The following PRH1 variants were observed in gnomAD, a reference collection of about 807,000 sequenced individuals.
PRH1 encodes salivary acidic proline-rich phosphoprotein 1/2.
In PRH1, 7 loss-of-function variants were observed where a neutral mutation model predicts 7.9. That is an observed-to-expected ratio of 0.89 (90% CI 0.50 to 1.67). The LOEUF is 1.67. Ranked by LOEUF, PRH1 falls within the 40% of genes most tolerant of loss-of-function variation. PRH1 has a pLI of 0.00. For synonymous variants in PRH1, 45 were observed against 80.8 expected, an observed-to-expected ratio of 0.56 and a Z score of 2.38; for missense variants, 109 against 223.6, an observed-to-expected ratio of 0.49 and a Z score of 3.27.
At chr12:10,920,214 T>C (rs1046379180) in intron 2 of PRH1, among the ~76,000 whole-genome samples, 1 of 151,132 alleles carries the variant, frequency 6.6e-6, no homozygotes, top group African/African-American at 2.5e-5. Context: ...TCTTGCTATC[T>C]ACTGGATACC....
At chr12:11,127,266 G>A (rs1241283510) in intron 1 of PRH1, among the ~76,000 whole-genome samples, 1 of 152,290 alleles carries the variant, frequency 6.6e-6, no homozygotes, top group Non-Finnish European at 1.5e-5. Context: ...TTGCTAGCAT[G>A]CAAATCAAGT....
At position 11,089,097 on chromosome 12, in the gene PRH1, G is replaced by A. The variant is rs759004833; in HGVS notation, n.124-41909C>T. Among the ~76,000 whole-genome samples the A allele has an allele frequency of 2.6e-5, 3 of 115,710 alleles. 1 individual carries two copies. The highest frequency in any genetic ancestry group is 6.1e-5 in the Non-Finnish European group (3 of 48,840). The allele number at this position is 115,710 out of a possible 152,430, so 75.9% of individuals were successfully genotyped here. ...AGCACGCCTCAGTGGCACAAGGAGTGATGGTATTGGACACAAACATGTGCT... is the reference window on the plus strand; with the variant it reads ...AGCACGCCTCAGTGGCACAAGGAGTAATGGTATTGGACACAAACATGTGCT... On this transcript the variant is annotated intron_variant and non_coding_transcript_variant, in intron 1 of 4. Coordinates refer to the PRH1 transcript ENST00000541977.
chr12:11,145,592 AT>A (rs1162116914), intron 1 of PRH1, among the ~76,000 whole-genome samples: 1 of 152,182 alleles, frequency 6.6e-6, no homozygotes, highest in Non-Finnish European at 1.5e-5. Flanking sequence ...ATTAAAAGGT[AT>A]TTTCTAAAAC....
chr12:11,000,977 G>T (rs760581945), intron 1 of PRH1, among the ~76,000 whole-genome samples: 4 of 151,268 alleles, frequency 2.6e-5, no homozygotes, highest in Non-Finnish European at 4.4e-5. Flanking sequence ...TTTAAAAAAA[G>T]TTGGGTTCTT....
At chr12:11,133,774 T>G (rs199973521) in intron 1 of PRH1, 190 of 1,614,102 alleles carry the variant, frequency 1.2e-4, no homozygotes, top group Non-Finnish European at 1.5e-4. Flanking sequence ...TTCCTTCATA[T>G]TCTTTTGTCC....
intron 1 of PRH1, among the ~76,000 whole-genome samples, chr12:11,098,904 C>T (rs1279712552): frequency 6.6e-6 from 1 of 152,062 alleles, no homozygotes; most frequent in East Asian, 1.9e-4. Flanking sequence ...AATGAGTTTC[C>T]AAGAAGTTGT....
chr12:11,036,791 A>C (rs1275425619), intron 1 of PRH1, among the ~76,000 whole-genome samples: 4 of 152,236 alleles, frequency 2.6e-5, no homozygotes, highest in Non-Finnish European at 5.9e-5. Flanking sequence ...ATGTATTTAA[A>C]TATTTCAAAA....
chr12:11,044,811 G>C (rs902523965), intron 1 of PRH1, among the ~76,000 whole-genome samples: 3 of 152,172 alleles, frequency 2.0e-5, no homozygotes, highest in Non-Finnish European at 2.9e-5. Flanking sequence ...TGTAACAAGT[G>C]CTGGTGAAGA....
At chr12:10,930,511 T>G in intron 2 of PRH1, 1 of 1,473,938 alleles carries the variant, frequency 6.8e-7, no homozygotes, top group Non-Finnish European at 9.1e-7. Flanking sequence ...TTAAGAGGAG[T>G]TCTAATTAGG....
chr12:11,100,544 C>T (rs986299177), intron 1 of PRH1, among the ~76,000 whole-genome samples: 2 of 152,188 alleles, frequency 1.3e-5, no homozygotes, highest in Admixed American at 6.5e-5. Context: ...CTCCACCATT[C>T]TATTCCATGA....
At chr12:11,034,673 G>C (rs925222159) in intron 1 of PRH1, 5 of 151,778 alleles carry the variant, frequency 3.3e-5, no homozygotes, top group African/African-American at 1.2e-4. Context: ...CCAACATTTT[G>C]TAAGGCTGGG....
At chr12:11,134,309 A>C (rs1946484577) in intron 1 of PRH1, 1 of 1,285,556 alleles carries the variant, frequency 7.8e-7, no homozygotes. Context: ...GATTGCTTGA[A>C]TATCCTGACC....
At chr12:10,884,831 G>C (rs1256594589), upstream of PRH1, among the ~76,000 whole-genome samples, 1 of 152,164 alleles carries the variant, frequency 6.6e-6, no homozygotes, top group Admixed American at 6.5e-5. Context: ...AGAGAAAGGT[G>C]CTGGCAGCCT....
intron 1 of PRH1, among the ~76,000 whole-genome samples, chr12:11,027,108 T>A (rs1193238860): frequency 6.6e-6 from 1 of 150,848 alleles, no homozygotes; most frequent in Non-Finnish European, 1.5e-5. Context: ...CTACAGAAAA[T>A]ACAAAAATTA....
intron 2 of PRH1, among the ~76,000 whole-genome samples, chr12:10,913,090 G>A (rs945464474): frequency 5.9e-5 from 9 of 152,160 alleles, no homozygotes; most frequent in Non-Finnish European, 1.0e-4. Flanking sequence ...AGTGCATAGA[G>A]CGTTAGAATT....
intron 1 of PRH1, among the ~76,000 whole-genome samples, chr12:11,041,307 A>AAAC (rs1555145155): frequency 2.0e-4 from 19 of 97,208 alleles, no homozygotes; most frequent in African/African-American, 7.1e-4. Context: ...AAAAAAAAAA[A>AAAC]AAAACAAAAA....
chr12:10,889,310 C>T (rs1388984781), intron 2 of PRH1, among the ~76,000 whole-genome samples: 1 of 152,134 alleles, frequency 6.6e-6, no homozygotes, highest in East Asian at 1.9e-4. Context: ...TAGACCATTT[C>T]TACTTTTGAG....
chr12:10,942,781 T>C (rs952641046), intron 2 of PRH1, among the ~76,000 whole-genome samples: 5 of 152,196 alleles, frequency 3.3e-5, no homozygotes, highest in African/African-American at 9.7e-5. Context: ...TTTCCTTCTC[T>C]CTGTGGCATT....
At chr12:11,164,689 A>T (rs1443652872) in intron 1 of PRH1, among the ~76,000 whole-genome samples, 1 of 152,138 alleles carries the variant, frequency 6.6e-6, no homozygotes, top group Non-Finnish European at 1.5e-5. Context: ...AACTTCTTCT[A>T]ACTCAGAACA....
Sources: allele counts gnomAD v4.1 joint callset (sites outside exome capture counted in the v4.1 genomes callset), GRCh38; gene constraint gnomAD v4.1.1; transcripts MANE v1.5; gene names NCBI Gene and HGNC (gene_info 2026-07-23, HGNC 2026-07-21).